The following LHX2 variants were observed in gnomAD, a reference collection of about 807,000 sequenced individuals.
The protein encoded by LHX2 is LIM/homeobox protein Lhx2.
LHX2 carries 6 observed loss-of-function variants against 33.0 expected under a neutral mutation model. The ratio of observed to expected loss-of-function variants is 0.18; its 90% CI spans 0.10 to 0.36. The LOEUF is 0.36. LHX2 is among the 10% of genes least tolerant of loss of function. The pLI is 1.00. For missense variants in LHX2, 442 were observed against 586.2 expected, an observed-to-expected ratio of 0.75 and a Z score of 2.54; for synonymous variants, 292 against 253.1, an observed-to-expected ratio of 1.15 and a Z score of -1.46.
rs1588354106 is a variant in LHX2 at position 124,032,233 on chromosome 9, C to G, written c.934-187C>G. On this transcript the variant is annotated intron_variant, in intron 4 of 4. Coordinates refer to ENST00000373615, the MANE Select transcript of LHX2 (RefSeq NM_004789.4). The surrounding 1 kb of genome is among the most constrained non-coding windows in gnomAD (Gnocchi z 4.1). Reference sequence around the variant, plus strand: ...CTTCAGCCTGGGGGACCAAGCCAGACCCTGTCTGCAAACAAAAACAAAAAC... The same window carrying G: ...CTTCAGCCTGGGGGACCAAGCCAGAGCCTGTCTGCAAACAAAAACAAAAAC... 1 of 627,636 alleles carries G rather than the reference C, an allele frequency of 1.6e-6. No individual in the cohort carries two copies. The highest frequency in any genetic ancestry group is 2.7e-6 in the Non-Finnish European group (1 of 376,912). 38.9% of individuals were successfully genotyped at this position (627,636 alleles called of 1,614,324 possible).
chr9:124,011,939 C>G lies in LHX2; in HGVS notation c.-410C>G, dbSNP rs1368813473. 2.0e-5 allele frequency: 3 copies of G among 152,138 alleles called. No individual in the cohort carries two copies. Among genetic ancestry groups the G allele is most frequent in the Non-Finnish European group, 2.9e-5 (2 of 68,040 alleles). 9.4% of individuals were successfully genotyped at this position (152,138 alleles called of 1,614,324 possible). ...TAGCGGCTTCAGGGTGAACCCCGAC[C>G]GCAGCCGTCGCCGCCTCGGGCAGAG... On this transcript the variant is annotated 5_prime_UTR_variant, in exon 1 of 5. Coordinates refer to ENST00000373615, the MANE Select transcript of LHX2 (RefSeq NM_004789.4).
At chr9:124,029,573 C>G (rs1396963695) in intron 4 of LHX2, among the ~76,000 whole-genome samples, 2 of 152,184 alleles carry the variant, frequency 1.3e-5, no homozygotes. Context: ...TCATTGTTTA[C>G]AAGCCCACTG....
At position 124,015,022 on chromosome 9, in the gene LHX2, G is replaced by A. The variant is rs1859159770; in HGVS notation, c.324-100G>A. On this transcript the variant is annotated intron_variant, in intron 2 of 4. Coordinates refer to ENST00000373615, the MANE Select transcript of LHX2 (RefSeq NM_004789.4). The surrounding 1 kb of genome is among the most constrained non-coding windows in gnomAD (Gnocchi z 7.9). ...ATAAAGGCCGGGTTGTTCGTCTTGA[G>A]GAGGGGATTGCCCCCCGCAGCAGCA... is the stretch of plus-strand genomic sequence containing the variant. 2 of 1,390,456 alleles carry A rather than the reference G, an allele frequency of 1.4e-6. No individual in the cohort carries two copies. The highest frequency in any genetic ancestry group is 2.0e-6 in the Non-Finnish European group (2 of 1,012,986). 86.1% of individuals were successfully genotyped at this position (1,390,456 alleles called of 1,614,324 possible). A position where few individuals can be genotyped will look rare whatever the true frequency, so the allele number is the denominator to read the frequency against.
In LHX2 at chr9:124,014,862, A is replaced by G. The variant is rs1320383495; in HGVS notation, c.324-260A>G. Among the ~76,000 whole-genome samples the G allele has an allele frequency of 6.6e-6, 1 of 152,150 alleles. No individual in the cohort carries two copies. The highest frequency in any genetic ancestry group is 1.9e-4 in the East Asian group (1 of 5,196). ...AAGTGTCTCCCTCCACTCCCAGGTA[A>G]AGGCTTTCCTAGGGCTTGCGGAGAC... On this transcript the variant is annotated intron_variant, in intron 2 of 4. Coordinates refer to ENST00000373615, the MANE Select transcript of LHX2 (RefSeq NM_004789.4). This position sits in a 1 kb window ranked among gnomAD's most constrained non-coding sequence, Gnocchi z 4.8.
At chr9:124,028,675 T>G (rs184422506) in intron 4 of LHX2, among the ~76,000 whole-genome samples, 1 of 152,346 alleles carries the variant, frequency 6.6e-6, no homozygotes, top group Non-Finnish European at 1.5e-5. Flanking sequence ...TTCATGGACT[T>G]GCTACCTCCC....
At position 124,012,447 on chromosome 9, in the gene LHX2, C is replaced by T; in HGVS notation, c.99C>T (p.Ile33=). 6.6e-7 allele frequency: 1 copy of T among 1,513,704 alleles called. No individual in the cohort carries two copies. Among genetic ancestry groups the T allele is most frequent in the South Asian group, 1.2e-5 (1 of 82,610 alleles). The allele number at this position is 1,513,704 out of a possible 1,614,324, so 93.8% of individuals were successfully genotyped here. The part of the protein sequence containing the change: ...KSEAPAISSA[I]DRGDTETTMP... Reference sequence around the variant, plus strand: ...AGGCTCCCGCCATCAGCTCCGCCATCGACCGCGGCGACACCGAGACGGTAG... The same window carrying T: ...AGGCTCCCGCCATCAGCTCCGCCATTGACCGCGGCGACACCGAGACGGTAG... Residue 33 remains isoleucine, a synonymous_variant, in exon 1 of 5, where the codon ATC becomes ATT. Transcript: ENST00000373615. This position sits in a 1 kb window ranked among gnomAD's most constrained non-coding sequence, Gnocchi z 4.3.
chr9:124,025,561 G>A (rs1828607111), intron 4 of LHX2, among the ~76,000 whole-genome samples: 1 of 152,094 alleles, frequency 6.6e-6, no homozygotes, highest in South Asian at 2.1e-4. Context: ...CAGGGAAGCA[G>A]CATATTAAGA....
chr9:124,023,792 A>G (rs1828559571), intron 4 of LHX2, among the ~76,000 whole-genome samples: 1 of 152,228 alleles, frequency 6.6e-6, no homozygotes, highest in Non-Finnish European at 1.5e-5. Flanking sequence ...GGACACAGAG[A>G]TGAACAAACC....
chr9:124,032,796 G>A lies in LHX2; in HGVS notation c.*89G>A. ...GTGTATTTTAAAATAGAGGCTTTGAGCAACTAACTAACCACATTTTAGGAT... is the reference window on the plus strand; with the variant it reads ...GTGTATTTTAAAATAGAGGCTTTGAACAACTAACTAACCACATTTTAGGAT... On this transcript the variant is annotated 3_prime_UTR_variant, in exon 5 of 5. Transcript: ENST00000373615. The surrounding 1 kb of genome is among the most constrained non-coding windows in gnomAD (Gnocchi z 4.1). 1 of 1,378,164 alleles carries A rather than the reference G, an allele frequency of 7.3e-7. No individual in the cohort carries two copies. The highest frequency in any genetic ancestry group is 9.8e-7 in the Non-Finnish European group (1 of 1,017,112). The allele number at this position is 1,378,164 out of a possible 1,614,324, so 85.4% of individuals were successfully genotyped here.
In LHX2 at chr9:124,015,556, A is replaced by G. The variant is rs1053982744; in HGVS notation, c.727+31A>G. 1.1e-5 allele frequency: 16 copies of G among 1,448,242 alleles called. No homozygotes were observed. The African/African-American group carries it at 1.1e-4, about 10-fold the overall frequency. The allele number at this position is 1,448,242 out of a possible 1,614,324, so 89.7% of individuals were successfully genotyped here. ...TGCGCGGCGCACGAAGCGCCCCCAT[A>G]GGGTTGGGGGAAAGTGTGCGGCCTC... On this transcript the variant is annotated intron_variant, in intron 3 of 4. Coordinates refer to ENST00000373615, the MANE Select transcript of LHX2 (RefSeq NM_004789.4). The surrounding 1 kb of genome is among the most constrained non-coding windows in gnomAD (Gnocchi z 7.9).
chr9:124,030,627 CTTTTTTTT>C (rs35399092), intron 4 of LHX2, among the ~76,000 whole-genome samples: 1,541 of 105,586 alleles, frequency 0.015, 36 homozygotes, highest in African/African-American at 0.058. Context: ...TTTTTCTTTT[CTTTTTTTT>C]TTTTTTTTTT....
rs186824121 is a variant in LHX2 at position 124,020,962 on chromosome 9, A to G, written c.728-137A>G. On this transcript the variant is annotated intron_variant, in intron 3 of 4. Transcript: ENST00000373615. ...TGTTTCCATCTATAAAATGGGGATG[A>G]TGTCCCCCTTTCATTGTGGCGCAGA... 9.7e-4 allele frequency: 704 copies of G among 727,148 alleles called. 3 individuals carry two copies. Among genetic ancestry groups the G allele is most frequent in the Non-Finnish European group, 1.8e-4 (79 of 434,908 alleles). 45.0% of individuals were successfully genotyped at this position (727,148 alleles called of 1,614,324 possible). A position where few individuals can be genotyped will look rare whatever the true frequency, so the allele number is the denominator to read the frequency against.
At chr9:124,022,655 G>A (rs1384156632) in intron 4 of LHX2, among the ~76,000 whole-genome samples, 1 of 152,242 alleles carries the variant, frequency 6.6e-6, no homozygotes, top group East Asian at 1.9e-4. Flanking sequence ...GAGGGATGAC[G>A]GAGACGGAGG....
intron 4 of LHX2, among the ~76,000 whole-genome samples, chr9:124,031,063 C>T (rs1052198762): frequency 2.0e-5 from 3 of 152,174 alleles, no homozygotes; most frequent in Non-Finnish European, 4.4e-5. Flanking sequence ...ACATTCTTTT[C>T]AGACAGAGCT....
intron 4 of LHX2, among the ~76,000 whole-genome samples, chr9:124,028,235 CAACG>C (rs1828656171): frequency 6.6e-6 from 1 of 152,186 alleles, no homozygotes; most frequent in Non-Finnish European, 1.5e-5. Flanking sequence ...GGGCAAGAAG[CAACG>C]TGTGCTTCTT....
At chr9:124,019,942 C>A (rs1200416245) in intron 3 of LHX2, among the ~76,000 whole-genome samples, 1 of 152,178 alleles carries the variant, frequency 6.6e-6, no homozygotes, top group Non-Finnish European at 1.5e-5. Context: ...AGGTTTTCAC[C>A]CATATTCCCC....
intron 3 of LHX2, among the ~76,000 whole-genome samples, chr9:124,019,295 C>G (rs1477268106): frequency 6.6e-6 from 1 of 152,190 alleles, no homozygotes; most frequent in African/African-American, 2.4e-5. Context: ...CTTGCAAATT[C>G]TCTCTGCAAG....
Position 124,012,292 on chromosome 9 carries a change from G to A in LHX2, c.-57G>A. 1 of 1,436,866 alleles carries A rather than the reference G, an allele frequency of 7.0e-7. No homozygotes were observed. Among genetic ancestry groups the A allele is most frequent in the Non-Finnish European group, 9.1e-7 (1 of 1,098,690 alleles). The allele number at this position is 1,436,866 out of a possible 1,614,324, so 89.0% of individuals were successfully genotyped here. A position where few individuals can be genotyped will look rare whatever the true frequency, so the allele number is the denominator to read the frequency against. On this transcript the variant is annotated 5_prime_UTR_variant, in exon 1 of 5. Transcript: ENST00000373615. This position sits in a 1 kb window ranked among gnomAD's most constrained non-coding sequence, Gnocchi z 4.3. ...GCCAGGAGCGCCAGGCAGCTGAGGC[G>A]GGGGGCAAGCCCTCCCTCGGAGGAG...
At chr9:124,023,539 C>A (rs1043362722) in intron 4 of LHX2, among the ~76,000 whole-genome samples, 4 of 152,124 alleles carry the variant, frequency 2.6e-5, no homozygotes, top group Non-Finnish European at 4.4e-5. Flanking sequence ...CCTCTCTGAG[C>A]CATAGATTTC....
Sources: gnomAD v4.1 joint callset for allele counts (sites outside exome capture counted in the v4.1 genomes callset) on GRCh38, gnomAD v4.1.1 for gene constraint, Gnocchi (gnomAD v3.1) non-coding constraint, MANE v1.5 for transcripts, NCBI Gene and HGNC (gene_info 2026-07-23, HGNC 2026-07-21) for gene names.